The following PPM1E variants were observed in gnomAD, a reference collection of about 807,000 sequenced individuals.
PPM1E encodes protein phosphatase 1E.
In PPM1E, 20 loss-of-function variants were observed where a neutral mutation model predicts 65.9. The ratio of observed to expected loss-of-function variants is 0.30; its 90% confidence interval spans 0.21 to 0.44. The LOEUF (loss-of-function observed/expected upper bound fraction) is 0.44. Ranked by LOEUF, PPM1E falls within the 20% of genes least tolerant of loss-of-function variation. The probability of loss-of-function intolerance (pLI) is 1.00; values close to 1 mark genes in which losing one functional copy is unlikely to be tolerated. For synonymous variants in PPM1E, 352 were observed against 374.9 expected (o/e 0.94, Z 0.70); for missense variants, 713 against 953.1 (o/e 0.75, Z 3.32).
At chr17:58,842,923 A>G (rs2050733902) in intron 1 of PPM1E, among the ~76,000 whole-genome samples, 1 of 150,890 alleles carries the variant, frequency 6.6e-6, no homozygotes, top group Non-Finnish European at 1.5e-5. Flanking sequence ...GGGCAACAAG[A>G]GCAACATCTC....
intron 2 of PPM1E, 122 bp downstream of exon 2, chr17:58,955,889 G>A: frequency 2.6e-6 from 3 of 1,154,292 alleles, no homozygotes; most frequent in Non-Finnish European, 3.5e-6. Flanking sequence ...TTTATGTAGT[G>A]GTAGCAGGGG....
chr17:58,823,758 T>G (rs2143146051), intron 1 of PPM1E, among the ~76,000 whole-genome samples: 1 of 152,024 alleles, frequency 6.6e-6, no homozygotes, highest in South Asian at 2.1e-4. Context: ...TGAGACAGAG[T>G]CTTGCTCTGT....
At chr17:58,946,421 C>T (rs1280737877) in intron 1 of PPM1E, among the ~76,000 whole-genome samples, 1 of 152,212 alleles carries the variant, frequency 6.6e-6, no homozygotes, top group East Asian at 1.9e-4. Context: ...GGATTCGTTA[C>T]ATATTTGGGA....
intron 1 of PPM1E, among the ~76,000 whole-genome samples, chr17:58,919,466 G>T (rs2051724525): frequency 6.6e-6 from 1 of 152,068 alleles, no homozygotes; most frequent in African/African-American, 2.4e-5. Flanking sequence ...TTTCTGTTTT[G>T]AAACCATTTT....
In PPM1E at chr17:58,756,004, G is replaced by C; in HGVS notation, c.7G>C (p.Gly3Arg). 6.2e-7 allele frequency: 1 copy of C among 1,613,988 alleles called. No individual in the cohort carries two copies. Among genetic ancestry groups the C allele is most frequent in the Non-Finnish European group, 8.5e-7 (1 of 1,179,908 alleles). The change falls in exon 1 of 7, where the codon GGC (glycine) becomes CGC (arginine). Residue 3 changes from glycine (G) to arginine (R), a missense_variant. By Grantham distance (125) the Gly-to-Arg change is moderately radical. This residue lies in a region of PPM1E where 212 missense variants were observed against 204.0 expected (regional missense o/e 1.04). Coordinates refer to ENST00000308249, the MANE Select transcript of PPM1E (RefSeq NM_014906.5). MA[G>R]CIPEEKTYRR... is the part of the protein sequence containing the mutation. ...CCCTGGGGCATGAGCAGCGATGGCC[G>C]GCTGCATCCCTGAGGAGAAAACTTA...
chr17:58,919,812 TAGAG>T (rs752448822), intron 1 of PPM1E, among the ~76,000 whole-genome samples: 16 of 151,786 alleles, frequency 1.1e-4, no homozygotes, highest in Non-Finnish European at 1.5e-4. Flanking sequence ...AAAAAAAAGA[TAGAG>T]AGTTCTTTCT....
intron 2 of PPM1E, among the ~76,000 whole-genome samples, chr17:58,958,187 ATTATTT>A (rs1001736353): frequency 8.6e-5 from 13 of 151,868 alleles, no homozygotes; most frequent in East Asian, 1.9e-4. Context: ...TGTAAAAATT[ATTATTT>A]TTATTTTTAT....
At chr17:58,759,246 A>T (rs2049799751) in intron 1 of PPM1E, among the ~76,000 whole-genome samples, 1 of 152,132 alleles carries the variant, frequency 6.6e-6, no homozygotes, top group Non-Finnish European at 1.5e-5. Flanking sequence ...TGACAGTGAG[A>T]CGTTGTCTCA....
At chr17:58,765,100 C>T (rs915516844) in intron 1 of PPM1E, among the ~76,000 whole-genome samples, 1 of 151,342 alleles carries the variant, frequency 6.6e-6, no homozygotes, top group Admixed American at 6.6e-5. Context: ...TTAACATTTT[C>T]AACTAGCTAT....
intron 1 of PPM1E, among the ~76,000 whole-genome samples, chr17:58,901,407 C>A (rs575807509): frequency 2.8e-4 from 42 of 152,334 alleles, no homozygotes; most frequent in African/African-American, 1.0e-3. Context: ...TGTGCGGTGG[C>A]TCACGCCTGT....
chr17:58,878,792 C>T (rs560149308), intron 1 of PPM1E, among the ~76,000 whole-genome samples: 27 of 150,734 alleles, frequency 1.8e-4, no homozygotes, highest in African/African-American at 5.8e-4. Context: ...ATTAGCTGGG[C>T]GTGGTGGTGC....
intron 1 of PPM1E, among the ~76,000 whole-genome samples, chr17:58,802,600 AT>A (rs2050269256): frequency 6.6e-6 from 1 of 151,968 alleles, no homozygotes; most frequent in South Asian, 2.1e-4. Context: ...TTTGATAGAG[AT>A]TGCATTGAAT....
At chr17:58,925,878 G>A (rs2051817723) in intron 1 of PPM1E, among the ~76,000 whole-genome samples, 1 of 152,042 alleles carries the variant, frequency 6.6e-6, no homozygotes, top group African/African-American at 2.4e-5. Flanking sequence ...CTGATCTGTA[G>A]GTGGCAATAA....
intron 1 of PPM1E, among the ~76,000 whole-genome samples, chr17:58,861,209 T>C (rs1031634932): frequency 6.6e-6 from 1 of 152,244 alleles, no homozygotes; most frequent in Admixed American, 6.5e-5. Context: ...TGTTTTCCTG[T>C]AATTTATCAG....
intron 6 of PPM1E, among the ~76,000 whole-genome samples, chr17:58,977,479 A>G (rs1406144154): frequency 6.6e-6 from 1 of 151,764 alleles, no homozygotes; most frequent in Non-Finnish European, 1.5e-5. Context: ...GAATGAATGG[A>G]GAAGAGCCTA....
intron 1 of PPM1E, among the ~76,000 whole-genome samples, chr17:58,939,411 G>T (rs1598663154): frequency 6.6e-6 from 1 of 152,130 alleles, no homozygotes; most frequent in East Asian, 1.9e-4. Flanking sequence ...TTTTATGTGT[G>T]TTTGTAGAAC....
intron 1 of PPM1E, among the ~76,000 whole-genome samples, chr17:58,949,115 T>C (rs1044154349): frequency 5.3e-5 from 8 of 152,234 alleles, no homozygotes; most frequent in African/African-American, 1.7e-4. Flanking sequence ...CCAGCTGTTA[T>C]TGTATTGGCA....
chr17:58,843,390 C>A (rs1457865295), intron 1 of PPM1E, among the ~76,000 whole-genome samples: 1 of 149,698 alleles, frequency 6.7e-6, no homozygotes, highest in East Asian at 2.0e-4. Context: ...TGGTGGTGCA[C>A]ATCTGTAGTC....
At chr17:58,861,765 A>G (rs2050945099) in intron 1 of PPM1E, among the ~76,000 whole-genome samples, 1 of 152,068 alleles carries the variant, frequency 6.6e-6, no homozygotes, top group African/African-American at 2.4e-5. Context: ...ATCTCTATGA[A>G]AAATACAAAA....
Sources: gnomAD v4.1 joint callset for allele counts (sites outside exome capture counted in the v4.1 genomes callset) on GRCh38, gnomAD v4.1.1 for gene constraint, gnomAD v4.1.1 regional missense constraint, MANE v1.5 for transcripts, NCBI Gene and HGNC (gene_info 2026-07-23, HGNC 2026-07-21) for gene names.